NFS1: variants seen among roughly 807,000 people sequenced by gnomAD.
NFS1 encodes NFS1 cysteine desulfurase, also known as cysteine desulfurase.
Under a neutral mutation model 57.3 loss-of-function variants are expected in NFS1, and 26 were observed. The observed-to-expected ratio is 0.45, with a 90% CI of 0.33 to 0.63. NFS1 has a LOEUF of 0.63. Among genes scored for constraint, NFS1 ranks in the 20% least tolerant of loss-of-function variants. The probability of loss-of-function intolerance (pLI) is 0.02; values close to 1 mark genes in which losing one functional copy is unlikely to be tolerated. For synonymous variants in NFS1, 209 were observed against 216.3 expected (o/e 0.97, Z 0.30); for missense variants, 505 against 605.8 (o/e 0.83, Z 1.75).
intron 4 of NFS1, among the ~76,000 whole-genome samples, chr20:35,691,738 CAAAAAAAAAAA>C (rs60402350): frequency 2.8e-4 from 5 of 18,150 alleles, no homozygotes; most frequent in African/African-American, 6.9e-4. Context: ...GACTGCATCT[CAAAAAAAAAAA>C]AAAAAAAAAA....
At position 35,697,942 on chromosome 20, in the gene NFS1, T is replaced by G; in HGVS notation, c.208-142A>C. 6.9e-6 allele frequency: 4 copies of G among 576,494 alleles called. No homozygotes were observed. The South Asian group carries it at 9.2e-5, about 13-fold the overall frequency. 35.7% of individuals were successfully genotyped at this position (576,494 alleles called of 1,614,324 possible). A position where few individuals can be genotyped will look rare whatever the true frequency, so the allele number is the denominator to read the frequency against. ...AGAGGAGGCCTCAAACATTCTTTTG[T>G]TCCCACAAAACTACCCACCAAATAT... On this transcript the variant is annotated intron_variant, in intron 2 of 12. Coordinates refer to ENST00000374092, the MANE Select transcript of NFS1 (RefSeq NM_021100.5).
intron 5 of NFS1, among the ~76,000 whole-genome samples, chr20:35,685,232 G>A (rs1315928639): frequency 6.6e-6 from 1 of 151,840 alleles, no homozygotes; most frequent in Admixed American, 6.6e-5. Context: ...AAAATTAGCT[G>A]GGCATCATAG....
chr20:35,675,365 A>G, intron 7 of NFS1, 163 bp from the exon 8 acceptor site: 2 of 722,076 alleles, frequency 2.8e-6, no homozygotes, highest in Non-Finnish European at 2.3e-6. Flanking sequence ...GTAAAAGCAT[A>G]GTATTTAGTA....
At chr20:35,678,879 T>A (rs2034801752) in intron 7 of NFS1, among the ~76,000 whole-genome samples, 1 of 152,128 alleles carries the variant, frequency 6.6e-6, no homozygotes, top group Non-Finnish European at 1.5e-5. Context: ...ATGAATAAAA[T>A]AATGTATTAA....
Position 35,697,703 on chromosome 20 carries a change from G to C in NFS1, c.305C>G (p.Ala102Gly). Residue 102 changes from alanine to glycine, a missense_variant, in exon 3 of 13, where the codon GCC becomes GGC. Coordinates refer to ENST00000374092, the MANE Select transcript of NFS1 (RefSeq NM_021100.5). ...ACTAACCTGACGAGCACGTTCCATG[G>C]CTGCCTCACTCTCCCAGCCATAAGC... Reference protein sequence around the residue: ...THAYGWESEAAMERARQQVAS... With the variant: ...THAYGWESEAGMERARQQVAS... 3 of 1,612,990 alleles carry C rather than the reference G, an allele frequency of 1.9e-6. No homozygotes were observed. Among genetic ancestry groups the C allele is most frequent in the Non-Finnish European group, 2.5e-6 (3 of 1,179,344 alleles).
At chr20:35,676,987 C>G (rs2034764435) in intron 7 of NFS1, among the ~76,000 whole-genome samples, 1 of 152,080 alleles carries the variant, frequency 6.6e-6, no homozygotes, top group Admixed American at 6.6e-5. Flanking sequence ...CTGCCTCAGC[C>G]TCCTGATTAG....
At chr20:35,697,553 C>G in intron 3 of NFS1, 131 bp downstream of exon 3, 1 of 592,644 alleles carries the variant, frequency 1.7e-6, no homozygotes, top group Non-Finnish European at 3.0e-6. Flanking sequence ...TCCAAGGCTG[C>G]TCTTTGAATC....
chr20:35,697,821 C>A, intron 2 of NFS1, 21 bp from the exon 3 acceptor site: 3 of 1,546,630 alleles, frequency 1.9e-6, no homozygotes, highest in South Asian at 1.1e-5. Context: ...CAGAACAGAT[C>A]ATTTTCCTTG....
intron 3 of NFS1, among the ~76,000 whole-genome samples, chr20:35,697,014 G>A (rs889651463): frequency 6.6e-6 from 1 of 152,184 alleles, no homozygotes; most frequent in Non-Finnish European, 1.5e-5. Context: ...GCTGAGGTAG[G>A]AGAACTGCTT....
At chr20:35,686,731 G>C (rs1005215845) in intron 5 of NFS1, among the ~76,000 whole-genome samples, 1 of 152,164 alleles carries the variant, frequency 6.6e-6, no homozygotes, top group Non-Finnish European at 1.5e-5. Context: ...GGTGTGGGCA[G>C]CAAGCCACCC....
rs543747615 is a variant in NFS1, at chr20:35,687,680, T to C, written c.561+2733A>G. ...CTTGTGTCTTTATTTCTACGCTCTC[T>C]CGTCTCTGCACATGGGGAGAAAACC... On this transcript the variant is annotated intron_variant, in intron 5 of 12. Transcript: ENST00000374092. 1.2e-4 allele frequency among the ~76,000 whole-genome samples: 19 copies of C among 152,288 alleles called. No homozygotes were observed. In the South Asian group the frequency reaches 3.7e-3, roughly 30 times the overall value.
intron 4 of NFS1, among the ~76,000 whole-genome samples, chr20:35,695,495 G>A (rs767435087): frequency 6.6e-6 from 1 of 152,204 alleles, no homozygotes; most frequent in Admixed American, 6.5e-5. Flanking sequence ...ACACCAACGT[G>A]ACTACTAAAA....
intron 10 of NFS1, 150 bp from the exon 11 acceptor site, chr20:35,673,834 G>A (rs1273579314): frequency 1.0e-5 from 6 of 593,144 alleles, no homozygotes; most frequent in Non-Finnish European, 9.1e-6. Context: ...TAAAGGACCT[G>A]ATGCTCCCCT....
At position 35,699,120 on chromosome 20, in the gene NFS1, C is replaced by T. The variant is rs1269465028; in HGVS notation, c.97+72G>A. 30 of 1,358,080 alleles carry T rather than the reference C, an allele frequency of 2.2e-5. No homozygotes were observed. The highest frequency in any genetic ancestry group is 2.8e-5 in the Non-Finnish European group (30 of 1,061,326). 84.1% of individuals were successfully genotyped at this position (1,358,080 alleles called of 1,614,324 possible). A position where few individuals can be genotyped will look rare whatever the true frequency, so the allele number is the denominator to read the frequency against. ...GGCAGCAGGGTGGACAGGAAGGCTC[C>T]GGAATATTCAGTTGCGTCGCCGCGC... On this transcript the variant is annotated intron_variant, in intron 1 of 12. Coordinates refer to ENST00000374092, the MANE Select transcript of NFS1 (RefSeq NM_021100.5). The surrounding 1 kb of genome is among the most constrained non-coding windows in gnomAD (Gnocchi z 4.4).
At chr20:35,675,550 C>T in intron 7 of NFS1, 1 of 249,780 alleles carries the variant, frequency 4.0e-6, no homozygotes, top group Non-Finnish European at 7.7e-6. Context: ...TAGATTATGG[C>T]ATGTCCATAC....
intron 5 of NFS1, 88 bp from the exon 6 acceptor site, chr20:35,682,069 G>C (rs1181215084): frequency 1.5e-6 from 1 of 683,428 alleles, no homozygotes; most frequent in East Asian, 2.7e-5. Flanking sequence ...ATGAAAAGGA[G>C]TCTTATACTA....
chr20:35,697,615 A>T, intron 3 of NFS1, 69 bp downstream of exon 3: 1 of 1,011,266 alleles, frequency 9.9e-7, no homozygotes, highest in Non-Finnish European at 1.5e-6. Context: ...ACCTACCAAG[A>T]AAGAAATGCC....
At chr20:35,684,345 T>G (rs2034902178) in intron 5 of NFS1, among the ~76,000 whole-genome samples, 1 of 150,766 alleles carries the variant, frequency 6.6e-6, no homozygotes, top group African/African-American at 2.5e-5. Flanking sequence ...GAGGCGGAGG[T>G]TGCAGTGAGC....
At position 35,699,136 on chromosome 20, in the gene NFS1, G is replaced by A. The variant is rs2035197391; in HGVS notation, c.97+56C>T. ...GGAAGGCTCCGGAATATTCAGTTGC[G>A]TCGCCGCGCGGAGGGGACAGGTCCG... On this transcript the variant is annotated intron_variant, in intron 1 of 12. Coordinates refer to ENST00000374092, the MANE Select transcript of NFS1 (RefSeq NM_021100.5). The surrounding 1 kb of genome is among the most constrained non-coding windows in gnomAD (Gnocchi z 4.4). 2.2e-6 allele frequency: 3 copies of A among 1,364,410 alleles called. No individual in the cohort carries two copies. The highest frequency in any genetic ancestry group is 2.8e-6 in the Non-Finnish European group (3 of 1,065,336). 84.5% of individuals were successfully genotyped at this position (1,364,410 alleles called of 1,614,324 possible). A position where few individuals can be genotyped will look rare whatever the true frequency, so the allele number is the denominator to read the frequency against.
Sources: allele counts gnomAD v4.1 joint callset (sites outside exome capture counted in the v4.1 genomes callset), GRCh38; gene constraint gnomAD v4.1.1; non-coding constraint Gnocchi (gnomAD v3.1); transcripts MANE v1.5; gene names NCBI Gene and HGNC (gene_info 2026-07-23, HGNC 2026-07-21).